Variants in SLC10A7 observed in about 807,000 individuals in gnomAD.
The protein encoded by SLC10A7 is sodium/bile acid cotransporter 7.
SLC10A7 carries 29 observed loss-of-function variants against 43.2 expected under a neutral mutation model. The ratio of observed to expected loss-of-function variants is 0.67; its 90% CI spans 0.50 to 0.92. SLC10A7 has a LOEUF of 0.92. Among genes scored for constraint, SLC10A7 ranks in the 40% least tolerant of loss-of-function variants. The pLI, the probability that SLC10A7 is intolerant of heterozygous loss-of-function variation, is 0.00. For missense variants in SLC10A7, 295 were observed against 403.2 expected, an observed-to-expected ratio of 0.73 and a Z score of 2.30; for synonymous variants, 152 against 144.8, an observed-to-expected ratio of 1.05 and a Z score of -0.35.
At position 146,256,235 on chromosome 4, in the gene SLC10A7, C is replaced by A. The variant is rs971876093; in HGVS notation, c.*256G>T. 3.2e-4 allele frequency: 164 copies of A among 511,550 alleles called. No homozygotes were observed. Among genetic ancestry groups the A allele is most frequent in the African/African-American group, 2.9e-3 (149 of 51,608 alleles). The allele number at this position is 511,550 out of a possible 1,614,324, so 31.7% of individuals were successfully genotyped here. ...AGCATGTTTGCTTTTTGTCACTTAC[C>A]ATGACTGATTCCTGCATTAGGAAAG... On this transcript the variant is annotated 3_prime_UTR_variant, in exon 12 of 12. Transcript: ENST00000335472.
At chr4:146,303,638 G>A (rs1443445063) in intron 7 of SLC10A7, among the ~76,000 whole-genome samples, 1 of 152,034 alleles carries the variant, frequency 6.6e-6, no homozygotes, top group Admixed American at 6.6e-5. Context: ...TCTCAGCCTT[G>A]CAAAGTGCTG....
At chr4:146,475,162 GA>G (rs1176331904) in intron 4 of SLC10A7, among the ~76,000 whole-genome samples, 1 of 152,026 alleles carries the variant, frequency 6.6e-6, no homozygotes, top group Non-Finnish European at 1.5e-5. Context: ...GTTTCTTCCT[GA>G]ATAGCCCTTC....
At chr4:146,391,579 A>G (rs1738432040) in intron 5 of SLC10A7, among the ~76,000 whole-genome samples, 1 of 152,226 alleles carries the variant, frequency 6.6e-6, no homozygotes, top group Admixed American at 6.5e-5. Context: ...GATTTCATTG[A>G]GCCGCTGGTC....
intron 4 of SLC10A7, among the ~76,000 whole-genome samples, chr4:146,448,370 T>C (rs1195054821): frequency 6.6e-6 from 1 of 152,112 alleles, no homozygotes; most frequent in Non-Finnish European, 1.5e-5. Context: ...ATCTATAACT[T>C]CTCATAACTG....
chr4:146,391,246 A>G (rs1213667754), intron 5 of SLC10A7, among the ~76,000 whole-genome samples: 1 of 152,238 alleles, frequency 6.6e-6, no homozygotes, highest in Non-Finnish European at 1.5e-5. Context: ...ATTATATAAA[A>G]TATACCAGTT....
In SLC10A7 at chr4:146,409,134, T is replaced by C. The variant is rs148255398; in HGVS notation, c.435+33649A>G. 4.2e-3 allele frequency among the ~76,000 whole-genome samples: 633 copies of C among 152,256 alleles called. 2 individuals are homozygous for C. The highest frequency in any genetic ancestry group is 0.014 in the African/African-American group (581 of 41,548). On this transcript the variant is annotated intron_variant, in intron 5 of 11. Coordinates refer to ENST00000335472, the MANE Select transcript of SLC10A7 (RefSeq NM_001029998.6). ...AGAAGGAGAAATTTTTTAATGGGTA[T>C]GTATAGGCAAAGGCTTGGGAATACT...
At chr4:146,380,886 A>G (rs1338013056) in intron 5 of SLC10A7, among the ~76,000 whole-genome samples, 1 of 152,190 alleles carries the variant, frequency 6.6e-6, no homozygotes, top group Non-Finnish European at 1.5e-5. Flanking sequence ...AGTTAAAAAA[A>G]ATAGATAATT....
At position 146,516,903 on chromosome 4, in the gene SLC10A7, G is replaced by A. The variant is rs116094707; in HGVS notation, c.183+135C>T. On this transcript the variant is annotated intron_variant, in intron 2 of 11. Transcript: ENST00000335472. ...AGGAATGAAACACAAGTCCTTTGCCGACCAAGTTATCTTCTGCTATAGTGA... is the reference window on the plus strand; with the variant it reads ...AGGAATGAAACACAAGTCCTTTGCCAACCAAGTTATCTTCTGCTATAGTGA... 2.4e-3 allele frequency: 1,498 copies of A among 635,028 alleles called. 19 individuals are homozygous for A. In the African/African-American group the frequency reaches 0.025, roughly 11 times the overall value. The allele number at this position is 635,028 out of a possible 1,614,324, so 39.3% of individuals were successfully genotyped here.
At chr4:146,356,228 G>T (rs745626641) in intron 5 of SLC10A7, among the ~76,000 whole-genome samples, 14 of 151,864 alleles carry the variant, frequency 9.2e-5, no homozygotes, top group Non-Finnish European at 1.6e-4. Flanking sequence ...TTTACTATGA[G>T]TTTATAACTT....
At chr4:146,312,952 T>C (rs1732079011) in intron 6 of SLC10A7, among the ~76,000 whole-genome samples, 1 of 152,170 alleles carries the variant, frequency 6.6e-6, no homozygotes, top group African/African-American at 2.4e-5. Flanking sequence ...GAGGCAGAGA[T>C]ACTCAGAGGC....
chr4:146,333,948 T>G (rs779146008), intron 5 of SLC10A7, among the ~76,000 whole-genome samples: 1 of 152,072 alleles, frequency 6.6e-6, no homozygotes, highest in Non-Finnish European at 1.5e-5. Flanking sequence ...ATCTTAGTCA[T>G]CAAGATGGAC....
chr4:146,331,630 G>A (rs537714070), intron 5 of SLC10A7, among the ~76,000 whole-genome samples: 10 of 152,200 alleles, frequency 6.6e-5, no homozygotes, highest in African/African-American at 2.4e-4. Context: ...CATTCTGTAT[G>A]TATAAGAAAA....
At chr4:146,467,454 A>AAC (rs35773390) in intron 4 of SLC10A7, among the ~76,000 whole-genome samples, 7,052 of 140,742 alleles carry the variant, frequency 0.05, 176 homozygotes, top group African/African-American at 0.059. Flanking sequence ...AGCAGGTTTA[A>AAC]ACACACACAC....
At chr4:146,491,459 A>G (rs1167682356) in intron 4 of SLC10A7, among the ~76,000 whole-genome samples, 1 of 152,102 alleles carries the variant, frequency 6.6e-6, no homozygotes, top group African/African-American at 2.4e-5. Context: ...CACAAAATCA[A>G]TTTAGTGAAT....
intron 5 of SLC10A7, among the ~76,000 whole-genome samples, chr4:146,354,350 C>T (rs1354620522): frequency 6.6e-6 from 1 of 152,124 alleles, no homozygotes; most frequent in Admixed American, 6.5e-5. Context: ...AGGACCTCTT[C>T]AAGGAGAATT....
intron 5 of SLC10A7, among the ~76,000 whole-genome samples, chr4:146,378,357 A>G (rs1228627054): frequency 2.6e-5 from 4 of 152,214 alleles, no homozygotes; most frequent in Non-Finnish European, 5.9e-5. Context: ...TAAATAAAAA[A>G]CATAATCCAC....
At chr4:146,444,268 T>C (rs1730848191) in intron 4 of SLC10A7, among the ~76,000 whole-genome samples, 2 of 152,220 alleles carry the variant, frequency 1.3e-5, no homozygotes, top group South Asian at 4.1e-4. Flanking sequence ...ATTTAGATCC[T>C]ATTTTGTGCT....
chr4:146,390,472 T>TA (rs1293317491), intron 5 of SLC10A7, among the ~76,000 whole-genome samples: 1 of 151,794 alleles, frequency 6.6e-6, no homozygotes. Context: ...CTACAAAAAA[T>TA]ACAAAAAATT....
intron 6 of SLC10A7, among the ~76,000 whole-genome samples, chr4:146,307,311 C>T (rs1274307135): frequency 6.6e-6 from 1 of 152,134 alleles, no homozygotes; most frequent in Non-Finnish European, 1.5e-5. Context: ...TTGGTGGTCT[C>T]TAGCCCTTTT....
Sources: allele counts gnomAD v4.1 joint callset (sites outside exome capture counted in the v4.1 genomes callset), GRCh38; gene constraint gnomAD v4.1.1; transcripts MANE v1.5; gene names NCBI Gene and HGNC (gene_info 2026-07-23, HGNC 2026-07-21).